Variants in CUBN observed in about 807,000 individuals in gnomAD.
CUBN encodes cubilin.
A neutral mutation model predicts 405.3 loss-of-function variants in CUBN; 282 were observed. The ratio of observed to expected loss-of-function variants is 0.70; its 90% CI spans 0.63 to 0.77. The LOEUF (loss-of-function observed/expected upper bound fraction) is 0.77. Ranked by LOEUF, CUBN falls within the 30% of genes least tolerant of loss-of-function variation. The probability of loss-of-function intolerance (pLI) is 0.00; values close to 1 mark genes in which losing one functional copy is unlikely to be tolerated. For synonymous variants in CUBN, 1,684 were observed against 1,617.0 expected (o/e 1.04, Z -0.99); for missense variants, 4,514 against 4,475.2 (o/e 1.01, Z -0.25).
chr10:17,109,802 G>C lies in CUBN; in HGVS notation c.1016-67C>G, dbSNP rs972735991. 13 of 1,252,932 alleles carry C rather than the reference G, an allele frequency of 1.0e-5. No homozygotes were observed. The African/African-American group carries it at 1.8e-4, about 17-fold the overall frequency. 77.6% of individuals were successfully genotyped at this position (1,252,932 alleles called of 1,614,324 possible). On this transcript the variant is annotated intron_variant, in intron 9 of 66. Coordinates refer to ENST00000377833, the MANE Select transcript of CUBN (RefSeq NM_001081.4). ...AAGATGGGAGGACAAAGCCTGTCTAGGATTCAAATATCATGAAATGGACCA... is the reference window on the plus strand; with the variant it reads ...AAGATGGGAGGACAAAGCCTGTCTACGATTCAAATATCATGAAATGGACCA...
chr10:17,089,128 G>T (rs1432234896), intron 14 of CUBN, among the ~76,000 whole-genome samples: 1 of 152,182 alleles, frequency 6.6e-6, no homozygotes, highest in East Asian at 1.9e-4. Context: ...TTAGAAATAA[G>T]TGAGATAGGT....
At chr10:16,946,715 C>T (rs1309735201) in intron 36 of CUBN, among the ~76,000 whole-genome samples, 9 of 152,000 alleles carry the variant, frequency 5.9e-5, no homozygotes, top group South Asian at 2.1e-4. Flanking sequence ...GGGCTGGTCT[C>T]GAACTCTTGA....
At position 16,868,363 on chromosome 10, in the gene CUBN, C is replaced by T. The variant is rs115513980; in HGVS notation, c.9454+1273G>A. On this transcript the variant is annotated intron_variant, in intron 59 of 66. Coordinates refer to ENST00000377833, the MANE Select transcript of CUBN (RefSeq NM_001081.4). ...TAAACTCCGTTTTGCATCAGAGAAA[C>T]GAAGTTTATCCACACTATGGAAGAA... 8.0e-3 allele frequency among the ~76,000 whole-genome samples: 1,222 copies of T among 152,220 alleles called. 15 individuals are homozygous for T. Among genetic ancestry groups the T allele is most frequent in the African/African-American group, 0.028 (1,150 of 41,542 alleles).
At chr10:16,844,867 T>C (rs1439933846) in intron 60 of CUBN, among the ~76,000 whole-genome samples, 1 of 151,724 alleles carries the variant, frequency 6.6e-6, no homozygotes, top group Non-Finnish European at 1.5e-5. Context: ...TAAACTGGGA[T>C]ATAAATGGTG....
chr10:16,850,210 T>A (rs553560366), intron 60 of CUBN, among the ~76,000 whole-genome samples: 2 of 152,364 alleles, frequency 1.3e-5, no homozygotes, highest in African/African-American at 2.4e-5. Flanking sequence ...AATGCATTCA[T>A]TAGCGCTTAA....
At chr10:16,988,531 G>A (rs1357382138) in intron 29 of CUBN, among the ~76,000 whole-genome samples, 1 of 152,158 alleles carries the variant, frequency 6.6e-6, no homozygotes, top group Non-Finnish European at 1.5e-5. Context: ...GAAATGGTAA[G>A]TCTTTTAGAG....
intron 22 of CUBN, among the ~76,000 whole-genome samples, chr10:17,049,053 T>A (rs916507752): frequency 6.6e-6 from 1 of 152,180 alleles, no homozygotes; most frequent in African/African-American, 2.4e-5. Flanking sequence ...TCCAAAAGTA[T>A]AGAAAAGTAT....
Position 17,085,761 on chromosome 10 carries a change from TAAAAC to T in CUBN, c.1948-7_1948-3del. On this transcript the variant is annotated splice_polypyrimidine_tract_variant and splice_region_variant and intron_variant, in intron 15 of 66. Transcript: ENST00000377833. ...CTGATACAAAGGACCATCTCGAATCTAAAACAAAAGGATGAATCATTAAGCTCAAA... is the reference window on the plus strand; with the variant it reads ...CTGATACAAAGGACCATCTCGAATCTAAAAGGATGAATCATTAAGCTCAAA... 1.2e-6 allele frequency: 2 copies of T among 1,613,716 alleles called. No homozygotes were observed. The highest frequency in any genetic ancestry group is 1.7e-6 in the Non-Finnish European group (2 of 1,179,790).
At chr10:16,867,915 A>G (rs1840234115) in intron 59 of CUBN, among the ~76,000 whole-genome samples, 1 of 151,496 alleles carries the variant, frequency 6.6e-6, no homozygotes, top group Non-Finnish European at 1.5e-5. Context: ...TGTTAACACA[A>G]CAATTACCAT....
chr10:17,119,382 G>C (rs561589948), intron 6 of CUBN, among the ~76,000 whole-genome samples: 48 of 152,322 alleles, frequency 3.2e-4, no homozygotes, highest in African/African-American at 7.0e-4. Context: ...AGGGGAGGCT[G>C]GGCACGGTGG....
intron 29 of CUBN, among the ~76,000 whole-genome samples, chr10:16,986,685 T>C (rs1833436272): frequency 6.6e-6 from 1 of 152,102 alleles, no homozygotes; most frequent in Non-Finnish European, 1.5e-5. Flanking sequence ...CATATGCAAA[T>C]GGCAGAAGCA....
chr10:16,884,972 G>A (rs1840770737), intron 56 of CUBN, among the ~76,000 whole-genome samples: 1 of 152,172 alleles, frequency 6.6e-6, no homozygotes, highest in Non-Finnish European at 1.5e-5. Context: ...AGTGCCTATA[G>A]CAGCTAGAAA....
At position 17,021,337 on chromosome 10, in the gene CUBN, A is replaced by G. The variant is rs367583549; in HGVS notation, c.4018-1354T>C. ...AAAAACACAAAAATCTCTCTACTAT[A>G]TCTCTTCACTTGAGAAAGATAATGG... On this transcript the variant is annotated intron_variant, in intron 27 of 66. Coordinates refer to ENST00000377833, the MANE Select transcript of CUBN (RefSeq NM_001081.4). Among the ~76,000 whole-genome samples, 18 of 152,312 alleles carry G rather than the reference A, an allele frequency of 1.2e-4. 2 individuals are homozygous for G. The highest frequency in any genetic ancestry group is 3.3e-4 in the Admixed American group (5 of 15,300).
intron 31 of CUBN, among the ~76,000 whole-genome samples, chr10:16,962,094 T>C (rs1056695907): frequency 6.6e-6 from 1 of 152,210 alleles, no homozygotes; most frequent in African/African-American, 2.4e-5. Context: ...TTTTATGTTG[T>C]TGGGGACAAG....
chr10:16,881,779 TA>T (rs1213979067), intron 56 of CUBN, among the ~76,000 whole-genome samples: 2 of 152,110 alleles, frequency 1.3e-5, no homozygotes, highest in Admixed American at 6.6e-5. Context: ...AGCTAAAGTC[TA>T]AGAAAATATA....
At chr10:16,926,122 A>T (rs934684261) in intron 41 of CUBN, among the ~76,000 whole-genome samples, 6 of 152,154 alleles carry the variant, frequency 3.9e-5, no homozygotes, top group African/African-American at 1.2e-4. Context: ...GAGGAGGGAG[A>T]AGGGTACTTT....
At chr10:16,875,493 G>C (rs1372895852) in intron 57 of CUBN, among the ~76,000 whole-genome samples, 2 of 152,162 alleles carry the variant, frequency 1.3e-5, no homozygotes, top group Non-Finnish European at 2.9e-5. Context: ...GCCATGTCAG[G>C]CTCTTTATTT....
chr10:16,912,450 A>G (rs369245177), intron 48 of CUBN, among the ~76,000 whole-genome samples: 151 of 152,326 alleles, frequency 9.9e-4, no homozygotes, highest in African/African-American at 3.5e-3. Flanking sequence ...TGGGGGAAGC[A>G]GACAATAAAC....
Position 17,000,432 on chromosome 10 carries a change from C to T in CUBN, c.4169-9917G>A, listed in dbSNP as rs542137784. Among the ~76,000 whole-genome samples the T allele has an allele frequency of 1.2e-4, 18 of 152,316 alleles. 1 individual carries two copies. In the South Asian group the frequency reaches 2.1e-3, roughly 18 times the overall value. ...TCTTTTGCCTAGCAATGCGCCCCTC[C>T]GCCCCAACCCACATATTATTGCTAC... On this transcript the variant is annotated intron_variant, in intron 28 of 66. Coordinates refer to ENST00000377833, the MANE Select transcript of CUBN (RefSeq NM_001081.4).
Sources: allele counts gnomAD v4.1 joint callset (sites outside exome capture counted in the v4.1 genomes callset), GRCh38; gene constraint gnomAD v4.1.1; transcripts MANE v1.5; gene names NCBI Gene and HGNC (gene_info 2026-07-23, HGNC 2026-07-21).